OR2L13: variants seen among roughly 807,000 people sequenced by gnomAD.
OR2L13 encodes the protein olfactory receptor 2L13.
In OR2L13, 14 loss-of-function variants were observed where a neutral mutation model predicts 15.3. The ratio of observed to expected loss-of-function variants is 0.91; its 90% CI spans 0.60 to 1.43. OR2L13 has a LOEUF of 1.43. Ranked by LOEUF, OR2L13 falls within the 40% of genes most tolerant of loss-of-function variation. OR2L13 has a pLI of 0.00. For synonymous variants in OR2L13, 152 were observed against 142.9 expected, an observed-to-expected ratio of 1.06 and a Z score of -0.45; for missense variants, 367 against 387.9, an observed-to-expected ratio of 0.95 and a Z score of 0.45.
the OR2L13 span, among the ~76,000 whole-genome samples, chr1:248,031,965 G>T: frequency 5.3e-5 from 8 of 151,808 alleles, no homozygotes; most frequent in South Asian, 1.7e-3. Flanking sequence ...GTTTGTCATC[G>T]ACTGCCCTAT....
chr1:248,015,431 C>T, the OR2L13 span, among the ~76,000 whole-genome samples: 1 of 152,090 alleles, frequency 6.6e-6, no homozygotes, highest in Non-Finnish European at 1.5e-5. Context: ...TGAAATAATT[C>T]TTACTATAGA....
the OR2L13 span, among the ~76,000 whole-genome samples, chr1:247,958,897 A>G: frequency 2.6e-5 from 4 of 152,142 alleles, no homozygotes; most frequent in Admixed American, 6.5e-5. Context: ...TCTTTATCCA[A>G]TGTGCCAGCC....
chr1:248,067,808 C>A, the OR2L13 span, among the ~76,000 whole-genome samples: 3 of 152,230 alleles, frequency 2.0e-5, no homozygotes, highest in East Asian at 1.9e-4. Context: ...TGCGCTTTTC[C>A]GACGGGCTTA....
the OR2L13 span, among the ~76,000 whole-genome samples, chr1:247,943,073 T>C: frequency 2.0e-5 from 3 of 152,172 alleles, no homozygotes; most frequent in African/African-American, 7.2e-5. Flanking sequence ...TTTAAAACTA[T>C]ATATACATAC....
chr1:247,977,671 G>A, the OR2L13 span, among the ~76,000 whole-genome samples: 1 of 152,150 alleles, frequency 6.6e-6, no homozygotes, highest in African/African-American at 2.4e-5. Context: ...ACTGCTTACT[G>A]CTTAAAAGTC....
At chr1:248,026,159 AAT>A in the OR2L13 span, among the ~76,000 whole-genome samples, 1 of 152,178 alleles carries the variant, frequency 6.6e-6, no homozygotes, top group Non-Finnish European at 1.5e-5. Context: ...GTAGAATATA[AAT>A]ATGTTTACCT....
chr1:247,967,331 C>A, the OR2L13 span, among the ~76,000 whole-genome samples: 3 of 151,986 alleles, frequency 2.0e-5, no homozygotes, highest in Admixed American at 6.6e-5. Flanking sequence ...CGGGTTCAAG[C>A]GATTCTCCTG....
chr1:248,002,322 C>G, the OR2L13 span, among the ~76,000 whole-genome samples: 1 of 144,356 alleles, frequency 6.9e-6, no homozygotes, highest in Admixed American at 6.8e-5. Context: ...TGTCATTAAG[C>G]ACATATACTG....
At chr1:248,060,743 G>A in the OR2L13 span, 1 of 1,614,038 alleles carries the variant, frequency 6.2e-7, no homozygotes. Context: ...CCACCATCAA[G>A]AATTGGCCTT....
chr1:248,044,527 G>A, the OR2L13 span, among the ~76,000 whole-genome samples: 7 of 85,080 alleles, frequency 8.2e-5, 1 homozygote, highest in East Asian at 2.5e-3. Context: ...TCCCCGGCCG[G>A]GCGCGGTGGC....
At chr1:248,007,772 T>C in the OR2L13 span, among the ~76,000 whole-genome samples, 3 of 152,208 alleles carry the variant, frequency 2.0e-5, no homozygotes, top group Admixed American at 2.0e-4. Context: ...GGTATCTATC[T>C]GGATTTCATA....
chr1:248,003,053 TGAAATTCTGCGGATA>T, the OR2L13 span: 1 of 786,052 alleles, frequency 1.3e-6, no homozygotes. Flanking sequence ...ATTCAGGGAT[TGAAATTCTGCGGATA>T]AGGATGAATT....
the OR2L13 span, chr1:247,990,316 C>T: frequency 1.9e-5 from 23 of 1,241,248 alleles, no homozygotes; most frequent in East Asian, 4.7e-5. Flanking sequence ...TTGGGATTGT[C>T]GCCACCACCA....
the OR2L13 span, among the ~76,000 whole-genome samples, chr1:247,991,730 A>G: frequency 4.1e-4 from 62 of 149,768 alleles, 3 homozygotes; most frequent in Admixed American, 3.0e-3. Context: ...TCATAAATCA[A>G]CGGGTCTATT....
the OR2L13 span, among the ~76,000 whole-genome samples, chr1:248,019,907 C>G: frequency 1.3e-5 from 2 of 152,132 alleles, no homozygotes; most frequent in Non-Finnish European, 2.9e-5. Context: ...CCACCTCAGC[C>G]TCCCCAAGTA....
the OR2L13 span, among the ~76,000 whole-genome samples, chr1:247,972,711 G>C: frequency 6.6e-6 from 1 of 152,156 alleles, no homozygotes; most frequent in Non-Finnish European, 1.5e-5. Flanking sequence ...AGAAGAGTTG[G>C]TACCATTCAT....
At chr1:247,988,600 G>A in the OR2L13 span, among the ~76,000 whole-genome samples, 3 of 151,954 alleles carry the variant, frequency 2.0e-5, no homozygotes, top group Non-Finnish European at 4.4e-5. Context: ...ACACTGTGTG[G>A]ATCTTACTCT....
At chr1:247,937,311 T>G in the OR2L13 span, 1 of 153,268 alleles carries the variant, frequency 6.5e-6, no homozygotes, top group African/African-American at 2.4e-5. Context: ...GAAGACCCTC[T>G]CGAAAGGAAG....
the OR2L13 span, among the ~76,000 whole-genome samples, chr1:247,953,493 G>A: frequency 6.6e-6 from 1 of 152,106 alleles, no homozygotes; most frequent in South Asian, 2.1e-4. Context: ...TTTAAAGGAT[G>A]AGTATCTTTC....
Sources: gnomAD v4.1 joint callset for allele counts (sites outside exome capture counted in the v4.1 genomes callset) on GRCh38, gnomAD v4.1.1 for gene constraint, MANE v1.5 for transcripts, NCBI Gene and HGNC (gene_info 2026-07-23, HGNC 2026-07-21) for gene names.